PLCH1: variants seen among roughly 807,000 people sequenced by gnomAD.
PLCH1 encodes the protein 1-phosphatidylinositol 4,5-bisphosphate phosphodiesterase eta-1.
A neutral mutation model predicts 126.7 loss-of-function variants in PLCH1; 60 were observed. The ratio of observed to expected loss-of-function variants is 0.47; its 90% confidence interval spans 0.38 to 0.59. The LOEUF (loss-of-function observed/expected upper bound fraction) is 0.59. Among genes scored for constraint, PLCH1 ranks in the 20% least tolerant of loss-of-function variants. PLCH1 has a pLI of 0.00. For synonymous variants in PLCH1, 719 were observed against 734.9 expected, an observed-to-expected ratio of 0.98 and a Z score of 0.35; for missense variants, 1,723 against 2,040.0, an observed-to-expected ratio of 0.84 and a Z score of 2.99.
At position 155,469,273 on chromosome 3, in the gene PLCH1, G is replaced by C. The variant is rs145038927; in HGVS notation, c.2938+16083C>G. Among the ~76,000 whole-genome samples the C allele has an allele frequency of 4.1e-3, 632 of 152,328 alleles. 2 individuals are homozygous for C. The highest frequency in any genetic ancestry group is 0.014 in the African/African-American group (601 of 41,580). ...GCATTGCCTCACTTGGGAAGCGCAA[G>C]GGGTCAGGGAGTGCCCTTTCCGAGT... is the stretch of plus-strand genomic sequence containing the variant. On this transcript the variant is annotated intron_variant, in intron 21 of 21. Transcript: ENST00000494598.
chr3:155,656,440 ATAT>A (rs1741379507), intron 2 of PLCH1, among the ~76,000 whole-genome samples: 1 of 152,204 alleles, frequency 6.6e-6, no homozygotes, highest in Non-Finnish European at 1.5e-5. Flanking sequence ...AGCAAATAAA[ATAT>A]TATTTCATTA....
chr3:155,639,571 A>G (rs1739154446), intron 2 of PLCH1, among the ~76,000 whole-genome samples: 1 of 152,178 alleles, frequency 6.6e-6, no homozygotes, highest in South Asian at 2.1e-4. Context: ...GAAAATGAAA[A>G]GGGAAGGAGT....
chr3:155,461,477 A>G (rs1351089763), intron 21 of PLCH1, among the ~76,000 whole-genome samples: 1 of 152,226 alleles, frequency 6.6e-6, no homozygotes, highest in African/African-American at 2.4e-5. Context: ...CTATTATATG[A>G]AGAAAATGGT....
At chr3:155,475,827 C>A (rs996793212), downstream of PLCH1, among the ~76,000 whole-genome samples, 1 of 152,026 alleles carries the variant, frequency 6.6e-6, no homozygotes, top group Admixed American at 6.6e-5. Context: ...ATAAAAAAGT[C>A]TCTCAGTAGA....
chr3:155,588,596 C>T (rs928529137), intron 4 of PLCH1, among the ~76,000 whole-genome samples: 1 of 152,144 alleles, frequency 6.6e-6, no homozygotes, highest in South Asian at 2.1e-4. Flanking sequence ...AGAGAAGAGG[C>T]AGGGACAGCC....
intron 1 of PLCH1, among the ~76,000 whole-genome samples, chr3:155,726,700 T>TTC (rs1748352368): frequency 6.7e-6 from 1 of 149,976 alleles, no homozygotes; most frequent in Non-Finnish European, 1.5e-5. Context: ...TCAGATTCTT[T>TTC]TTTTTTTTTT....
intron 4 of PLCH1, among the ~76,000 whole-genome samples, chr3:155,592,173 T>TA (rs1560214187): frequency 3.5e-5 from 4 of 114,328 alleles, no homozygotes; most frequent in African/African-American, 1.2e-4. Flanking sequence ...CTTTTCTCTT[T>TA]TAAAAAAAAA....
In PLCH1 at chr3:155,458,341, CAAAAAAAAA is replaced by C. The variant is rs552915955; in HGVS notation, c.2938+27006_2938+27014del. Among the ~76,000 whole-genome samples, 9 of 81,526 alleles carry C rather than the reference CAAAAAAAAA, an allele frequency of 1.1e-4. 1 individual carries two copies. The highest frequency in any genetic ancestry group is 4.6e-4 in the African/African-American group (9 of 19,680). 53.5% of individuals were successfully genotyped at this position (81,526 alleles called of 152,430 possible). On this transcript the variant is annotated intron_variant, in intron 21 of 21. Transcript: ENST00000494598. ...TGGGGAACAGAGCAAGACTCCATGTCAAAAAAAAAAAAAAAAAGAAAGAAAGAAGAAAGA... is the reference window on the plus strand; with the variant it reads ...TGGGGAACAGAGCAAGACTCCATGTCAAAAAAAAGAAAGAAAGAAGAAAGA...
In PLCH1 at chr3:155,482,934, T is replaced by C; in HGVS notation, c.3092A>G (p.Gln1031Arg). 6.2e-7 allele frequency: 1 copy of C among 1,614,212 alleles called. No individual in the cohort carries two copies. Among genetic ancestry groups the C allele is most frequent in the Non-Finnish European group, 8.5e-7 (1 of 1,180,032 alleles). Reference sequence around the variant, plus strand: ...GGCAGTAGATACAATGGTGTCCCCTTGGCTGGTATCTTTGTGGAGCAGAGC... The same window carrying C: ...GGCAGTAGATACAATGGTGTCCCCTCGGCTGGTATCTTTGTGGAGCAGAGC... ...SSALLHKDTS[Q>R]GDTIVSTAHM... Residue 1031 changes from glutamine to arginine, a missense_variant, in exon 23 of 23, where the codon CAA becomes CGA. Physicochemically the swap from Gln to Arg is conservative, Grantham distance 43. Transcript: ENST00000460012.
chr3:155,574,381 T>A (rs1401411940), intron 6 of PLCH1, among the ~76,000 whole-genome samples: 2 of 152,220 alleles, frequency 1.3e-5, no homozygotes, highest in East Asian at 3.8e-4. Flanking sequence ...ATCATGTAAC[T>A]AACATCAATT....
intron 2 of PLCH1, among the ~76,000 whole-genome samples, chr3:155,626,361 CA>C (rs1267987686): frequency 1.3e-5 from 2 of 152,114 alleles, no homozygotes; most frequent in Admixed American, 1.3e-4. Flanking sequence ...ATAGTCTATA[CA>C]ATTTTAAACA....
chr3:155,611,164 C>T (rs1039251727), intron 2 of PLCH1, among the ~76,000 whole-genome samples: 2 of 152,106 alleles, frequency 1.3e-5, no homozygotes, highest in South Asian at 4.1e-4. Flanking sequence ...CTTTGGGAGG[C>T]AGATCACCTG....
chr3:155,527,776 C>T (rs1339944616), intron 10 of PLCH1, among the ~76,000 whole-genome samples: 2 of 151,798 alleles, frequency 1.3e-5, no homozygotes, highest in African/African-American at 4.8e-5. Flanking sequence ...AAAAATTAGC[C>T]AGGCGTGGTG....
intron 1 of PLCH1, among the ~76,000 whole-genome samples, chr3:155,728,204 C>T (rs569001963): frequency 4.7e-4 from 71 of 152,048 alleles, no homozygotes; most frequent in Admixed American, 2.8e-3. Context: ...CAGCGGGGGG[C>T]GAGGGTGTGT....
chr3:155,715,469 T>A (rs1163294819), intron 1 of PLCH1, among the ~76,000 whole-genome samples: 1 of 151,906 alleles, frequency 6.6e-6, no homozygotes, highest in Non-Finnish European at 1.5e-5. Context: ...CACACCCAAC[T>A]AATTTTTGTA....
At position 155,540,418 on chromosome 3, in the gene PLCH1, G is replaced by A. The variant is rs138869840; in HGVS notation, c.1362+9369C>T. ...GACTTAATTAAACTAAAAAGCTTCT[G>A]CATAGCAAAAGAAATAATCAGTGGA... On this transcript the variant is annotated intron_variant, in intron 10 of 22. Transcript: ENST00000460012. Among the ~76,000 whole-genome samples the A allele has an allele frequency of 7.3e-3, 1,116 of 152,262 alleles. 8 individuals carry two copies. The highest frequency in any genetic ancestry group is 0.025 in the African/African-American group (1,048 of 41,558).
In PLCH1 at chr3:155,492,619, T is replaced by C. The variant is rs929041965; in HGVS notation, c.2307+110A>G. 17 of 949,254 alleles carry C rather than the reference T, an allele frequency of 1.8e-5. No homozygotes were observed. In the Admixed American group the frequency reaches 4.0e-4, roughly 23 times the overall value. 58.8% of individuals were successfully genotyped at this position (949,254 alleles called of 1,614,324 possible). On this transcript the variant is annotated intron_variant, in intron 18 of 22. Transcript: ENST00000460012. ...TTAATGTCTGATAAGCTGAGGTCAGTGCTCAGTTATGAACACACATACATC... is the reference window on the plus strand; with the variant it reads ...TTAATGTCTGATAAGCTGAGGTCAGCGCTCAGTTATGAACACACATACATC...
At chr3:155,622,030 C>A (rs2108775001) in intron 2 of PLCH1, among the ~76,000 whole-genome samples, 1 of 152,302 alleles carries the variant, frequency 6.6e-6, no homozygotes, top group Admixed American at 6.5e-5. Flanking sequence ...AGGTTACCCA[C>A]AAAGGGAAGC....
rs776982901 is a variant in PLCH1 at position 155,456,956 on chromosome 3, A to G, written c.2938+28400T>C. On this transcript the variant is annotated intron_variant, in intron 21 of 21. Transcript: ENST00000494598. ...AGGTGGAATTCAACATATCCCTTCC[A>G]CAGGAGGTCATCCCAATCCAAAATA... 5 of 152,730 alleles carry G rather than the reference A, an allele frequency of 3.3e-5. No homozygotes were observed. In the South Asian group the frequency reaches 6.2e-4, roughly 19 times the overall value. 9.5% of individuals were successfully genotyped at this position (152,730 alleles called of 1,614,324 possible).
Sources: gnomAD v4.1 joint callset for allele counts (sites outside exome capture counted in the v4.1 genomes callset) on GRCh38, gnomAD v4.1.1 for gene constraint, MANE v1.5 for transcripts, NCBI Gene and HGNC (gene_info 2026-07-23, HGNC 2026-07-21) for gene names.